The following PHTF2 variants were observed in gnomAD, a reference collection of about 807,000 sequenced individuals.
PHTF2 encodes the protein putative homeodomain transcription factor 2, also known as protein PHTF2.
In PHTF2, 60 loss-of-function variants were observed where a neutral mutation model predicts 101.2. That is an observed-to-expected ratio of 0.59 (90% CI 0.48 to 0.73). The LOEUF (loss-of-function observed/expected upper bound fraction) is 0.73. Ranked by LOEUF, PHTF2 falls within the 30% of genes least tolerant of loss-of-function variation. PHTF2 has a pLI of 0.00. For synonymous variants in PHTF2, 311 were observed against 307.3 expected (o/e 1.01, Z -0.13); for missense variants, 747 against 908.7 (o/e 0.82, Z 2.29).
intron 1 of PHTF2, among the ~76,000 whole-genome samples, chr7:77,826,044 A>G (rs1291202099): frequency 6.6e-6 from 1 of 152,244 alleles, no homozygotes; most frequent in African/African-American, 2.4e-5. Context: ...ATATGAAATG[A>G]TTAAAATTGA....
At chr7:77,849,176 T>C (rs1796539392) in intron 2 of PHTF2, among the ~76,000 whole-genome samples, 1 of 152,064 alleles carries the variant, frequency 6.6e-6, no homozygotes. Context: ...CAGGCTGGAA[T>C]GTAGTGGCGT....
intron 12 of PHTF2, among the ~76,000 whole-genome samples, chr7:77,932,124 G>A (rs1804627110): frequency 6.6e-6 from 1 of 152,242 alleles, no homozygotes; most frequent in Middle Eastern, 3.4e-3. Context: ...AAATAAAAAG[G>A]ATGGCTATGA....
At chr7:77,874,739 G>T (rs570263600) in intron 3 of PHTF2, among the ~76,000 whole-genome samples, 14 of 152,290 alleles carry the variant, frequency 9.2e-5, no homozygotes, top group African/African-American at 3.1e-4. Context: ...ACACACCCAG[G>T]ATCAATACTT....
chr7:77,830,466 C>A (rs920336157), intron 1 of PHTF2, among the ~76,000 whole-genome samples: 4 of 152,202 alleles, frequency 2.6e-5, no homozygotes, highest in Admixed American at 2.0e-4. Flanking sequence ...CAGCTGCCTC[C>A]CATCACTTCC....
At position 77,951,854 on chromosome 7, in the gene PHTF2, C is replaced by G. The variant is rs563041495; in HGVS notation, c.2211+142C>G. The G allele has an allele frequency of 3.2e-4, 174 of 541,604 alleles. 1 individual carries two copies. Among genetic ancestry groups the G allele is most frequent in the South Asian group, 2.1e-3 (91 of 42,660 alleles). 33.5% of individuals were successfully genotyped at this position (541,604 alleles called of 1,614,324 possible). Reference sequence around the variant, plus strand: ...CAAATTATACTTGTGCACATACATACAATTTATATTTTACTTCTCATTGCA... The same window carrying G: ...CAAATTATACTTGTGCACATACATAGAATTTATATTTTACTTCTCATTGCA... On this transcript the variant is annotated intron_variant, in intron 18 of 19. Transcript: ENST00000416283.
intron 7 of PHTF2, among the ~76,000 whole-genome samples, chr7:77,907,050 CTATGTACTG>C (rs1801932695): frequency 6.6e-6 from 1 of 151,532 alleles, no homozygotes; most frequent in Admixed American, 6.6e-5. Flanking sequence ...ATTATAGTGC[CTATGTACTG>C]TATGTATGCT....
chr7:77,907,829 T>G (rs1317842586), intron 7 of PHTF2: 2 of 152,206 alleles, frequency 1.3e-5, no homozygotes, highest in Admixed American at 1.3e-4. Flanking sequence ...ACCAAAAATC[T>G]TATAATATTT....
chr7:77,911,640 G>T (rs1303286420), intron 9 of PHTF2, among the ~76,000 whole-genome samples: 1 of 152,114 alleles, frequency 6.6e-6, no homozygotes, highest in Non-Finnish European at 1.5e-5. Context: ...AGTTTATCAT[G>T]CATTACAGAA....
intron 2 of PHTF2, among the ~76,000 whole-genome samples, chr7:77,850,657 AAAAG>A (rs1796686891): frequency 6.6e-6 from 1 of 151,612 alleles, no homozygotes; most frequent in African/African-American, 2.4e-5. Flanking sequence ...AAAAAAAAAA[AAAAG>A]AAAAGTGATC....
chr7:77,834,578 C>T (rs1662250338), intron 1 of PHTF2, among the ~76,000 whole-genome samples: 1 of 152,174 alleles, frequency 6.6e-6, no homozygotes, highest in African/African-American at 2.4e-5. Flanking sequence ...TCACATGGCT[C>T]AGACTGCTCG....
chr7:77,895,227 T>C, intron 5 of PHTF2: 1 of 444,682 alleles, frequency 2.2e-6, no homozygotes, highest in African/African-American at 2.0e-5. Flanking sequence ...TACATACATA[T>C]ATAAAACATT....
At chr7:77,891,418 A>C (rs1211660984) in intron 3 of PHTF2, among the ~76,000 whole-genome samples, 2 of 149,572 alleles carry the variant, frequency 1.3e-5, no homozygotes, top group East Asian at 3.9e-4. Flanking sequence ...GGTCACCTCT[A>C]CCATTAGGAC....
chr7:77,889,838 A>C (rs1241992969), intron 3 of PHTF2, among the ~76,000 whole-genome samples: 4 of 151,930 alleles, frequency 2.6e-5, no homozygotes, highest in Non-Finnish European at 5.9e-5. Context: ...TGACTTCATG[A>C]TCCGCCTGCC....
intron 2 of PHTF2, chr7:77,854,611 G>A (rs1797025166): frequency 1.6e-6 from 1 of 628,558 alleles, no homozygotes; most frequent in East Asian, 2.8e-5. Flanking sequence ...CCATCCAGGA[G>A]CCAGAGCCTG....
intron 10 of PHTF2, among the ~76,000 whole-genome samples, chr7:77,922,323 G>A (rs1368120937): frequency 3.3e-5 from 5 of 152,108 alleles, no homozygotes; most frequent in African/African-American, 9.6e-5. Context: ...CACTGTGCCT[G>A]GCATATTTCT....
intron 1 of PHTF2, among the ~76,000 whole-genome samples, chr7:77,806,726 C>G (rs531797327): frequency 5.3e-5 from 8 of 151,980 alleles, no homozygotes; most frequent in Non-Finnish European, 1.0e-4. Context: ...TTTGTTTCAT[C>G]TGTTCTTTTT....
At chr7:77,945,811 G>A (rs779334806) in intron 16 of PHTF2, among the ~76,000 whole-genome samples, 1 of 152,122 alleles carries the variant, frequency 6.6e-6, no homozygotes, top group Non-Finnish European at 1.5e-5. Flanking sequence ...GTAACTGTAA[G>A]TAGTTTAAAA....
intron 8 of PHTF2, 148 bp downstream of exon 7, chr7:77,909,106 G>C: frequency 2.0e-6 from 1 of 498,804 alleles, no homozygotes; most frequent in Non-Finnish European, 3.5e-6. Context: ...TCAATTACCA[G>C]ATGATTTAGT....
chr7:77,887,010 C>T (rs942954190), intron 3 of PHTF2, among the ~76,000 whole-genome samples: 2 of 149,010 alleles, frequency 1.3e-5, no homozygotes, highest in South Asian at 2.1e-4. Flanking sequence ...CATGCTACTA[C>T]ACTCCAGTCT....
Sources: allele counts gnomAD v4.1 joint callset (sites outside exome capture counted in the v4.1 genomes callset), GRCh38; gene constraint gnomAD v4.1.1; transcripts MANE v1.5; gene names NCBI Gene and HGNC (gene_info 2026-07-23, HGNC 2026-07-21).